SERINC5: variants seen among roughly 807,000 people sequenced by gnomAD.
SERINC5 encodes the protein chromosome 5 open reading frame 12.
Under a neutral mutation model 63.1 loss-of-function variants are expected in SERINC5, and 41 were observed. The observed-to-expected ratio is 0.65, with a 90% CI of 0.51 to 0.84. The LOEUF is 0.84. SERINC5 is among the 40% of genes least tolerant of loss of function. The pLI is 0.00. For synonymous variants in SERINC5, 222 were observed against 215.2 expected (o/e 1.03, Z -0.28); for missense variants, 523 against 573.0 (o/e 0.91, Z 0.89).
rs1466748006 is a variant in SERINC5 at position 80,175,013 on chromosome 5, G to T, written c.492C>A (p.Leu164=). 6.2e-7 allele frequency: 1 copy of T among 1,602,218 alleles called. No homozygotes were observed. The highest frequency in any genetic ancestry group is 1.1e-5 in the South Asian group (1 of 88,730). The stretch of plus-strand genomic sequence containing the variant: ...GCAGGAGGAGCTGGATGCCAATGAA[G>T]AGGAAGCCTCCGACGGCTCCCACAT... The part of the protein sequence containing the change: ...WRYVGAVGGF[L]FIGIQLLLLV... The change falls in exon 5 of 12, where the codon CTC becomes CTA. Residue 164 remains leucine (L), a synonymous_variant. Transcript: ENST00000507668.
chr5:80,223,430 TTTTG>T (rs1412999015), intron 1 of SERINC5, among the ~76,000 whole-genome samples: 14 of 152,186 alleles, frequency 9.2e-5, no homozygotes, highest in Admixed American at 5.9e-4. Flanking sequence ...ATTTTTATTG[TTTTG>T]TTTTTTTCCC....
At chr5:80,231,773 G>T (rs1751448499) in intron 1 of SERINC5, among the ~76,000 whole-genome samples, 1 of 152,114 alleles carries the variant, frequency 6.6e-6, no homozygotes, top group Non-Finnish European at 1.5e-5. Context: ...AAACAATGAA[G>T]TTGGACCCTT....
intron 1 of SERINC5, among the ~76,000 whole-genome samples, chr5:80,230,813 CCTTT>C (rs899049398): frequency 7.3e-5 from 11 of 151,252 alleles, no homozygotes; most frequent in Non-Finnish European, 1.2e-4. Flanking sequence ...CTCTCTCTTT[CCTTT>C]CTTTCTCTCT....
Position 80,166,527 on chromosome 5 carries a change from A to C in SERINC5, c.764-49T>G, listed in dbSNP as rs753851642. 28 of 1,296,154 alleles carry C rather than the reference A, an allele frequency of 2.2e-5. No homozygotes were observed. The Admixed American group carries it at 5.0e-4, about 23-fold the overall frequency. The allele number at this position is 1,296,154 out of a possible 1,614,324, so 80.3% of individuals were successfully genotyped here. A position where few individuals can be genotyped will look rare whatever the true frequency, so the allele number is the denominator to read the frequency against. ...AACAGGTTTTAATTTGAAGAAAAAG[A>C]AAGCACATGCCTAAAAAACCTGATA... On this transcript the variant is annotated intron_variant, in intron 6 of 11. Coordinates refer to ENST00000507668, the MANE Select transcript of SERINC5 (RefSeq NM_001174072.3).
downstream of SERINC5, among the ~76,000 whole-genome samples, chr5:80,138,068 C>CA (rs1745285947): frequency 6.6e-6 from 1 of 151,968 alleles, no homozygotes; most frequent in African/African-American, 2.4e-5. Context: ...CACAAAAAGA[C>CA]AAATGCTTCA....
chr5:80,146,255 C>A, intron 10 of SERINC5, 21 bp from the exon 11 acceptor site: 1 of 1,613,478 alleles, frequency 6.2e-7, no homozygotes, highest in Non-Finnish European at 8.5e-7. Context: ...CAGAGGGAGC[C>A]CAGGCTCAAT....
chr5:80,175,090 G>A (rs1484131954), intron 4 of SERINC5, 43 bp from the exon 5 acceptor site: 1 of 1,399,960 alleles, frequency 7.1e-7, no homozygotes, highest in Non-Finnish European at 9.8e-7. Context: ...ACCTTTCGTT[G>A]TATTTTGCTC....
At chr5:80,138,711 A>G (rs1745323381), downstream of SERINC5, 1 of 589,424 alleles carries the variant, frequency 1.7e-6, no homozygotes, top group Non-Finnish European at 2.1e-6. Context: ...ATATATACAT[A>G]TTTCAAAACA....
intron 7 of SERINC5, among the ~76,000 whole-genome samples, chr5:80,160,587 G>C (rs1306454317): frequency 1.3e-5 from 2 of 152,004 alleles, no homozygotes; most frequent in Non-Finnish European, 2.9e-5. Context: ...AATTTATGGG[G>C]TACAAGTGTA....
chr5:80,198,786 C>T, intron 2 of SERINC5: 1 of 826,606 alleles, frequency 1.2e-6, no homozygotes, highest in Non-Finnish European at 1.5e-6. Context: ...CCTTGTGAGG[C>T]CCTAAAGCTG....
chr5:80,147,390 G>A, intron 9 of SERINC5, 106 bp from the exon 10 acceptor site: 2 of 1,135,114 alleles, frequency 1.8e-6, no homozygotes, highest in Non-Finnish European at 2.5e-6. Context: ...CCCTTCAAAA[G>A]ATGTGGACTG....
At chr5:80,132,371 T>C (rs1744982900) in intron 11 of SERINC5, among the ~76,000 whole-genome samples, 1 of 152,206 alleles carries the variant, frequency 6.6e-6, no homozygotes, top group South Asian at 2.1e-4. Flanking sequence ...CAAGAAGCAC[T>C]GTACTCCTTA....
chr5:80,254,087 G>C (rs1419119052), intron 1 of SERINC5, among the ~76,000 whole-genome samples: 1 of 152,072 alleles, frequency 6.6e-6, no homozygotes, highest in Non-Finnish European at 1.5e-5. Context: ...CATCACACCC[G>C]GCAATTTTGT....
intron 1 of SERINC5, among the ~76,000 whole-genome samples, chr5:80,226,338 G>T (rs187606780): frequency 7.4e-4 from 112 of 152,308 alleles, no homozygotes; most frequent in African/African-American, 2.6e-3. Flanking sequence ...TGACAGATGA[G>T]GAAATCTGAG....
At chr5:80,189,417 C>T (rs1200330658) in intron 2 of SERINC5, among the ~76,000 whole-genome samples, 1 of 152,184 alleles carries the variant, frequency 6.6e-6, no homozygotes, top group Non-Finnish European at 1.5e-5. Flanking sequence ...GAGCCAAAGA[C>T]ACAAATCTAT....
chr5:80,232,708 C>A (rs1209604203), intron 1 of SERINC5, among the ~76,000 whole-genome samples: 1 of 151,754 alleles, frequency 6.6e-6, no homozygotes, highest in Non-Finnish European at 1.5e-5. Flanking sequence ...CACTTGAACC[C>A]AGGAGGCAGA....
At chr5:80,186,713 C>T (rs1048884823) in intron 2 of SERINC5, among the ~76,000 whole-genome samples, 27 of 152,278 alleles carry the variant, frequency 1.8e-4, no homozygotes, top group African/African-American at 6.5e-4. Context: ...AACAAAAAAG[C>T]TACAGGAAGA....
rs1745382833 is a variant in SERINC5 at position 80,139,611 on chromosome 5, A to AGAGAGAGAGAG, written c.*4051_*4052insCTCTCTCTCTC. ...GAAAGAAGAAAAGAGAGAGAGAGAGAAAGGTCTAAACATCTGTGTGAACAG... is the reference window on the plus strand; with the variant it reads ...GAAAGAAGAAAAGAGAGAGAGAGAGAGAGAGAGAGAGAAGGTCTAAACATCTGTGTGAACAG... On this transcript the variant is annotated 3_prime_UTR_variant, in exon 12 of 12. Coordinates refer to ENST00000507668, the MANE Select transcript of SERINC5 (RefSeq NM_001174072.3). 47 of 984,698 alleles carry AGAGAGAGAGAG rather than the reference A, an allele frequency of 4.8e-5. No homozygotes were observed. The highest frequency in any genetic ancestry group is 9.4e-5 in the South Asian group (2 of 21,280). The allele number at this position is 984,698 out of a possible 1,614,324, so 61.0% of individuals were successfully genotyped here.
intron 1 of SERINC5, among the ~76,000 whole-genome samples, chr5:80,253,590 C>T (rs1019645130): frequency 2.6e-5 from 4 of 152,104 alleles, no homozygotes; most frequent in Non-Finnish European, 5.9e-5. Context: ...ATTTCTGGTC[C>T]TGCTCTTCTC....
Sources: gnomAD v4.1 joint callset for allele counts (sites outside exome capture counted in the v4.1 genomes callset) on GRCh38, gnomAD v4.1.1 for gene constraint, MANE v1.5 for transcripts, NCBI Gene and HGNC (gene_info 2026-07-23, HGNC 2026-07-21) for gene names.